The following HEMK2 variants were observed in gnomAD, a reference collection of about 807,000 sequenced individuals.
HEMK2 encodes methyltransferase HEMK2.
chr21:28,803,786 A>C, the HEMK2 span, among the ~76,000 whole-genome samples: 176 of 152,262 alleles, frequency 1.2e-3, no homozygotes, highest in African/African-American at 4.0e-3. Flanking sequence ...TCACTTATTC[A>C]AATGTGAATC....
the HEMK2 span, among the ~76,000 whole-genome samples, chr21:28,603,861 T>C: frequency 1.3e-5 from 2 of 152,220 alleles, no homozygotes; most frequent in Non-Finnish European, 2.9e-5. Flanking sequence ...ATTGTCTTTA[T>C]GACAGGGCTC....
the HEMK2 span, among the ~76,000 whole-genome samples, chr21:28,611,680 G>A: frequency 6.6e-6 from 1 of 152,092 alleles, no homozygotes; most frequent in Admixed American, 6.5e-5. Flanking sequence ...GGCTGAGGCA[G>A]ATGGATCACT....
At chr21:28,842,639 A>C in the HEMK2 span, among the ~76,000 whole-genome samples, 1 of 152,140 alleles carries the variant, frequency 6.6e-6, no homozygotes, top group African/African-American at 2.4e-5. Context: ...ACAGAAGCCG[A>C]GTTTTGTTCA....
chr21:28,770,107 G>C, the HEMK2 span, among the ~76,000 whole-genome samples: 1,650 of 152,206 alleles, frequency 0.011, 25 homozygotes, highest in African/African-American at 0.037. Context: ...CTTCCCTAAA[G>C]CAAGGCTTTT....
At chr21:28,703,097 G>A in the HEMK2 span, among the ~76,000 whole-genome samples, 2 of 152,122 alleles carry the variant, frequency 1.3e-5, no homozygotes, top group African/African-American at 2.4e-5. Flanking sequence ...CTTATAAGTG[G>A]AAGCTAAACA....
At chr21:28,748,993 A>G in the HEMK2 span, among the ~76,000 whole-genome samples, 1 of 152,218 alleles carries the variant, frequency 6.6e-6, no homozygotes, top group African/African-American at 2.4e-5. Flanking sequence ...TGGGTTTAAC[A>G]TATTATCAGA....
the HEMK2 span, among the ~76,000 whole-genome samples, chr21:28,708,081 T>C: frequency 3.3e-5 from 5 of 152,152 alleles, no homozygotes; most frequent in African/African-American, 1.2e-4. Flanking sequence ...AACAAGCCCA[T>C]GGCCAAAAGT....
At chr21:28,758,216 ACC>A in the HEMK2 span, among the ~76,000 whole-genome samples, 1 of 152,192 alleles carries the variant, frequency 6.6e-6, no homozygotes, top group Non-Finnish European at 1.5e-5. Context: ...ATTTGCTGAC[ACC>A]TTAGTATTCT....
chr21:28,670,972 AT>A, the HEMK2 span: 1 of 152,212 alleles, frequency 6.6e-6, no homozygotes, highest in African/African-American at 2.4e-5. Context: ...TTGAGATGAG[AT>A]TTGGTTGGGG....
chr21:28,841,009 T>A, the HEMK2 span, among the ~76,000 whole-genome samples: 2 of 114,606 alleles, frequency 1.7e-5, no homozygotes, highest in Admixed American at 1.4e-4. Context: ...ATATATTATA[T>A]ATATAATATA....
the HEMK2 span, among the ~76,000 whole-genome samples, chr21:28,639,954 G>T: frequency 6.6e-6 from 1 of 152,306 alleles, no homozygotes; most frequent in South Asian, 2.1e-4. Context: ...ATCTGAGGGG[G>T]TGGAGGAGGT....
the HEMK2 span, among the ~76,000 whole-genome samples, chr21:28,595,080 A>G: frequency 0.018 from 2,719 of 152,344 alleles, 107 homozygotes; most frequent in African/African-American, 0.063. Context: ...TATAAGATAC[A>G]TGAGATGTTT....
the HEMK2 span, among the ~76,000 whole-genome samples, chr21:28,703,353 T>A: frequency 6.6e-6 from 1 of 151,384 alleles, no homozygotes; most frequent in Non-Finnish European, 1.5e-5. Flanking sequence ...GATGATTCCC[T>A]GTAGGATCGC....
At chr21:28,703,885 C>T in the HEMK2 span, among the ~76,000 whole-genome samples, 2 of 152,176 alleles carry the variant, frequency 1.3e-5, no homozygotes, top group Non-Finnish European at 2.9e-5. Flanking sequence ...TATTTTCCAT[C>T]CTTCTCTTGG....
chr21:28,784,861 T>C, the HEMK2 span, among the ~76,000 whole-genome samples: 1 of 152,150 alleles, frequency 6.6e-6, no homozygotes, highest in Non-Finnish European at 1.5e-5. Context: ...CCTTCCACAA[T>C]GTGGAAGCTT....
the HEMK2 span, among the ~76,000 whole-genome samples, chr21:28,721,597 T>C: frequency 3.3e-5 from 5 of 152,112 alleles, no homozygotes; most frequent in Non-Finnish European, 5.9e-5. Context: ...AACAGCTGAA[T>C]TGGGAGGATT....
At chr21:28,788,957 A>G in the HEMK2 span, among the ~76,000 whole-genome samples, 1 of 152,148 alleles carries the variant, frequency 6.6e-6, no homozygotes, top group Admixed American at 6.6e-5. Flanking sequence ...TCTACAAACC[A>G]GGGAATGCCA....
the HEMK2 span, among the ~76,000 whole-genome samples, chr21:28,880,928 T>TA: frequency 0.034 from 3,564 of 104,372 alleles, 95 homozygotes; most frequent in Middle Eastern, 0.074. Context: ...ATCATTTATT[T>TA]AAAAAAAAAA....
the HEMK2 span, among the ~76,000 whole-genome samples, chr21:28,856,412 T>C: frequency 1.3e-5 from 2 of 149,754 alleles, no homozygotes; most frequent in East Asian, 1.9e-4. Flanking sequence ...CAAGACTCCA[T>C]CTCAAAAAAA....
Sources: allele counts gnomAD v4.1 joint callset (sites outside exome capture counted in the v4.1 genomes callset), GRCh38; gene constraint gnomAD v4.1.1; transcripts MANE v1.5; gene names NCBI Gene and HGNC (gene_info 2026-07-23, HGNC 2026-07-21).